Variants in MAEA observed in about 807,000 individuals in gnomAD.
MAEA encodes the protein macrophage erythroblast attacher, E3 ubiquitin ligase, also known as E3 ubiquitin-protein transferase MAEA.
In MAEA, 22 loss-of-function variants were observed where a neutral mutation model predicts 46.2. The observed-to-expected ratio is 0.48, with a 90% confidence interval of 0.34 to 0.68. MAEA has a LOEUF of 0.68. Among genes scored for constraint, MAEA ranks in the 30% least tolerant of loss-of-function variants. MAEA has a pLI of 0.01. For synonymous variants in MAEA, 246 were observed against 222.6 expected, an observed-to-expected ratio of 1.11 and a Z score of -0.94; for missense variants, 393 against 558.1, an observed-to-expected ratio of 0.70 and a Z score of 2.98.
At chr4:1,329,057 C>G (rs925976002) in intron 5 of MAEA, 10 of 985,788 alleles carry the variant, frequency 1.0e-5, no homozygotes, top group Non-Finnish European at 1.2e-5. Flanking sequence ...GCTTCCATCC[C>G]GAGTCAGCCT....
intron 1 of MAEA, chr4:1,310,104 C>T: frequency 2.4e-6 from 2 of 832,116 alleles, no homozygotes; most frequent in Non-Finnish European, 2.9e-6. Flanking sequence ...GAGGCGCCTG[C>T]ACAGGCAGAG....
intron 8 of MAEA, chr4:1,338,853 C>T: frequency 1.5e-6 from 1 of 647,990 alleles, no homozygotes; most frequent in South Asian, 1.9e-5. Context: ...ACAGGGCTGT[C>T]CTCTCGCCCC....
chr4:1,320,941 A>T (rs926086448), intron 3 of MAEA, among the ~76,000 whole-genome samples: 6 of 152,206 alleles, frequency 3.9e-5, no homozygotes, highest in Admixed American at 6.5e-5. Context: ...TCTACTAAAA[A>T]TACAAAAATT....
At position 1,315,283 on chromosome 4, in the gene MAEA, G is replaced by A. The variant is rs938226612; in HGVS notation, c.253-114G>A. On this transcript the variant is annotated intron_variant, in intron 2 of 8. Coordinates refer to ENST00000303400, the MANE Select transcript of MAEA (RefSeq NM_001017405.3). ...TAGAGCACGGTTTTTTTTCTGTCCC[G>A]TAATCCCTGCTTTTCTCCTTGTGAG... 27 of 1,012,972 alleles carry A rather than the reference G, an allele frequency of 2.7e-5. 1 individual carries two copies. The highest frequency in any genetic ancestry group is 1.3e-4 in the African/African-American group (8 of 62,304). The allele number at this position is 1,012,972 out of a possible 1,614,324, so 62.7% of individuals were successfully genotyped here.
intron 4 of MAEA, among the ~76,000 whole-genome samples, chr4:1,325,893 T>C (rs1220751556): frequency 6.6e-6 from 1 of 152,176 alleles, no homozygotes; most frequent in Non-Finnish European, 1.5e-5. Context: ...TCAGAGACAG[T>C]CCTCCTGCCC....
At chr4:1,296,732 C>T (rs967852798) in intron 1 of MAEA, among the ~76,000 whole-genome samples, 5 of 152,016 alleles carry the variant, frequency 3.3e-5, no homozygotes, top group Admixed American at 6.5e-5. Context: ...TGCCCCCCAA[C>T]ACTCCACCCA....
chr4:1,329,123 G>A, intron 5 of MAEA: 1 of 985,482 alleles, frequency 1.0e-6, no homozygotes, highest in Non-Finnish European at 1.2e-6. Flanking sequence ...AACAAAACGT[G>A]TCCATCCCGG....
chr4:1,309,763 G>A (rs970910336), intron 1 of MAEA: 37 of 1,479,272 alleles, frequency 2.5e-5, no homozygotes, highest in African/African-American at 7.0e-5. Flanking sequence ...TAACCGTGGC[G>A]CGTTCTGGGC....
Position 1,327,693 on chromosome 4 carries a change from G to T in MAEA, c.646G>T (p.Asp216Tyr). 6.2e-7 allele frequency: 1 copy of T among 1,613,808 alleles called. No individual in the cohort carries two copies. The highest frequency in any genetic ancestry group is 8.5e-7 in the Non-Finnish European group (1 of 1,179,958). ...ACTCATCCGGCAGAATAAGAGACTG[G>T]ACGCTGTGAGGTAGGCATTGCGGAC... ...IELIRQNKRL[D>Y]AVRHARKHFS... Residue 216 changes from aspartate to tyrosine, a missense_variant, in exon 5 of 9, where the codon GAC (aspartate) becomes TAC (tyrosine). By Grantham distance (160) the Asp-to-Tyr change is radical. Around this residue, in one of 2 missense-constraint regions of MAEA, gnomAD observed 358 missense variants for 537.9 expected, o/e 0.67. Transcript: ENST00000303400.
chr4:1,337,682 A>C (rs1712964931), intron 7 of MAEA: 3 of 161,148 alleles, frequency 1.9e-5, no homozygotes, highest in Non-Finnish European at 4.0e-5. Context: ...AACTGAGTCC[A>C]TCCCGCCTGT....
intron 7 of MAEA, chr4:1,337,976 C>T (rs1215444390): frequency 2.3e-5 from 4 of 177,394 alleles, no homozygotes; most frequent in Non-Finnish European, 4.8e-5. Context: ...GCTGCTGGTA[C>T]CTGGCTGTGC....
chr4:1,327,797 C>T (rs1739040159), intron 5 of MAEA, 94 bp downstream of exon 5: 9 of 941,934 alleles, frequency 9.6e-6, no homozygotes, highest in South Asian at 1.7e-5. Flanking sequence ...GGTCCTGGGA[C>T]GTCCCCTGGG....
At chr4:1,338,256 C>T (rs112280074) in intron 7 of MAEA, 166 bp from the exon 8 acceptor site, 49 of 556,418 alleles carry the variant, frequency 8.8e-5, no homozygotes, top group African/African-American at 7.8e-4. Flanking sequence ...GGCTGTTTAG[C>T]TGTCGAGTGC....
intron 4 of MAEA, among the ~76,000 whole-genome samples, chr4:1,325,701 C>T (rs1379307547): frequency 6.6e-6 from 1 of 151,866 alleles, no homozygotes; most frequent in Non-Finnish European, 1.5e-5. Context: ...GCCTCTATCT[C>T]TTCCCGCTGG....
At chr4:1,327,853 G>A (rs754987633) in intron 5 of MAEA, 150 bp downstream of exon 5, 3 of 641,788 alleles carry the variant, frequency 4.7e-6, no homozygotes, top group Non-Finnish European at 8.2e-6. Context: ...TCAGGTGGCT[G>A]CTTCTCCCAC....
rs1736553543 is a variant in MAEA at position 1,311,955 on chromosome 4, C to T, written c.70-24C>T. On this transcript the variant is annotated intron_variant, in intron 1 of 8. Coordinates refer to ENST00000303400, the MANE Select transcript of MAEA (RefSeq NM_001017405.3). The surrounding 1 kb of genome is among the most constrained non-coding windows in gnomAD (Gnocchi z 4.4). ...GGGCTCACACCAGGGGAGCAGATCC[C>T]TCACCATCCTCCTTCCTCTCCAGGT... 6 of 1,593,126 alleles carry T rather than the reference C, an allele frequency of 3.8e-6. No individual in the cohort carries two copies. The highest frequency in any genetic ancestry group is 5.1e-6 in the Non-Finnish European group (6 of 1,165,490).
intron 3 of MAEA, among the ~76,000 whole-genome samples, chr4:1,319,066 C>G (rs1003366241): frequency 6.6e-6 from 1 of 152,162 alleles, no homozygotes; most frequent in Non-Finnish European, 1.5e-5. Flanking sequence ...CCTGTGCTGC[C>G]TTAGGCTGGA....
chr4:1,306,192 T>A (rs986368797), intron 1 of MAEA, among the ~76,000 whole-genome samples: 3 of 152,226 alleles, frequency 2.0e-5, no homozygotes, highest in Admixed American at 2.0e-4. Flanking sequence ...TTGGGGAACC[T>A]GGCAGCGTCA....
intron 1 of MAEA, among the ~76,000 whole-genome samples, chr4:1,304,914 TCA>T (rs1735688236): frequency 6.6e-6 from 1 of 152,248 alleles, no homozygotes; most frequent in Non-Finnish European, 1.5e-5. Context: ...CAAATGTGTC[TCA>T]CGCTATACTC....
Sources: allele counts gnomAD v4.1 joint callset (sites outside exome capture counted in the v4.1 genomes callset), GRCh38; gene constraint gnomAD v4.1.1; regional missense constraint gnomAD v4.1.1; non-coding constraint Gnocchi (gnomAD v3.1); transcripts MANE v1.5; gene names NCBI Gene and HGNC (gene_info 2026-07-23, HGNC 2026-07-21).